MRTO4: variants seen among roughly 807,000 people sequenced by gnomAD.
The protein encoded by MRTO4 is MRT4 homolog, ribosome maturation factor, also known as mRNA turnover protein 4 homolog.
In MRTO4, 7 loss-of-function variants were observed where a neutral mutation model predicts 28.6. The observed-to-expected ratio is 0.24, with a 90% CI of 0.14 to 0.46. MRTO4 has a LOEUF of 0.46. Among genes scored for constraint, MRTO4 ranks in the 20% least tolerant of loss-of-function variants. MRTO4 has a pLI of 0.99. For missense variants in MRTO4, 302 were observed against 298.3 expected (o/e 1.01, Z -0.09); for synonymous variants, 113 against 108.2 (o/e 1.04, Z -0.27).
At chr1:19,253,241 G>A (rs1448556951) in intron 1 of MRTO4, among the ~76,000 whole-genome samples, 1 of 152,180 alleles carries the variant, frequency 6.6e-6, no homozygotes. Flanking sequence ...GAAAGGAAGC[G>A]AGCAACCTGT....
At chr1:19,252,986 C>T (rs553397084) in intron 1 of MRTO4, among the ~76,000 whole-genome samples, 17 of 152,280 alleles carry the variant, frequency 1.1e-4, no homozygotes, top group African/African-American at 3.6e-4. Flanking sequence ...GCTGTGGTGG[C>T]CTCTCTCTTA....
At chr1:19,255,568 C>A (rs2093670303) in intron 2 of MRTO4, among the ~76,000 whole-genome samples, 1 of 152,176 alleles carries the variant, frequency 6.6e-6, no homozygotes. Flanking sequence ...TGGCTTTGGC[C>A]AGCACCACGT....
chr1:19,253,200 C>T (rs371629803), intron 1 of MRTO4, among the ~76,000 whole-genome samples: 1 of 152,128 alleles, frequency 6.6e-6, no homozygotes, highest in Admixed American at 6.5e-5. Context: ...AAAGGTCTCA[C>T]TGATGAAGTG....
chr1:19,256,764 G>C (rs532213994), intron 3 of MRTO4, among the ~76,000 whole-genome samples: 3 of 152,190 alleles, frequency 2.0e-5, no homozygotes, highest in Non-Finnish European at 4.4e-5. Context: ...GTCTCTTGCC[G>C]CACCAGCTCT....
rs1025002601 is a variant in MRTO4 at position 19,257,824 on chromosome 1, T to A, written c.342-9T>A. Reference sequence around the variant, plus strand: ...AGCATCTCCTCCTACCACTTCTCTTTTCCCTTAGGTGGTTCACGAAATACA... The same window carrying A: ...AGCATCTCCTCCTACCACTTCTCTTATCCCTTAGGTGGTTCACGAAATACA... On this transcript the variant is annotated splice_polypyrimidine_tract_variant and intron_variant, in intron 5 of 7. Coordinates refer to ENST00000330263, the MANE Select transcript of MRTO4 (RefSeq NM_016183.4). 4 of 1,611,952 alleles carry A rather than the reference T, an allele frequency of 2.5e-6. No individual in the cohort carries two copies. In the African/African-American group the frequency reaches 5.3e-5, roughly 22 times the overall value.
chr1:19,255,194 T>C (rs761307), intron 2 of MRTO4, among the ~76,000 whole-genome samples: 148,127 of 152,242 alleles, frequency 0.97, 72,097 homozygotes, highest in East Asian at 1. Flanking sequence ...TTAGCCTGCC[T>C]AATGTCAAAA....
At position 19,257,154 on chromosome 1, in the gene MRTO4, C is replaced by G; in HGVS notation, c.273+9C>G. Reference sequence around the variant, plus strand: ...AAGACAACCTGCACCAGGTAAGTCTCTGGCCCTCACGGGGTGGAGCTAAGG... The same window carrying G: ...AAGACAACCTGCACCAGGTAAGTCTGTGGCCCTCACGGGGTGGAGCTAAGG... On this transcript the variant is annotated intron_variant, in intron 4 of 7. Transcript: ENST00000330263. 1.2e-6 allele frequency: 2 copies of G among 1,613,670 alleles called. No individual in the cohort carries two copies. Among genetic ancestry groups the G allele is most frequent in the Non-Finnish European group, 1.7e-6 (2 of 1,179,710 alleles).
At chr1:19,257,319 T>G (rs1381373794) in intron 4 of MRTO4, 135 bp from the exon 5 acceptor site, 1 of 1,199,630 alleles carries the variant, frequency 8.3e-7, no homozygotes, top group Non-Finnish European at 1.2e-6. Flanking sequence ...AGCAGCTTCC[T>G]GCCTCCCACT....
intron 7 of MRTO4, 39 bp downstream of exon 7, chr1:19,258,592 G>C: frequency 6.2e-7 from 1 of 1,613,872 alleles, no homozygotes; most frequent in Admixed American, 1.7e-5. Flanking sequence ...GGGCGGGGTT[G>C]CTGGCTTTCC....
In MRTO4 at chr1:19,258,704, T is replaced by C; in HGVS notation, c.594T>C (p.Ala198=). ...RVLKLFGYEM[A]EFKVTIKYMW... is the part of the protein sequence containing the mutation. ...AGAAGCTTTTTGGGTATGAGATGGC[T>C]GAATTCAAGGTGACCATCAAATACA... The change falls in exon 8 of 8, where the codon GCT becomes GCC. Residue 198 remains alanine (A), a synonymous_variant. Transcript: ENST00000330263. The C allele has an allele frequency of 6.2e-7, 1 of 1,614,252 alleles. No homozygotes were observed. The highest frequency in any genetic ancestry group is 8.5e-7 in the Non-Finnish European group (1 of 1,180,038).
At chr1:19,252,084 C>T (rs992730984) in intron 1 of MRTO4, 11 of 639,306 alleles carry the variant, frequency 1.7e-5, no homozygotes, top group African/African-American at 1.5e-4. Context: ...CTCGTTTTGC[C>T]TAGTTTCAGG....
intron 6 of MRTO4, 112 bp from the exon 7 acceptor site, chr1:19,258,365 G>A: frequency 7.8e-7 from 1 of 1,280,692 alleles, no homozygotes; most frequent in Non-Finnish European, 1.1e-6. Flanking sequence ...AGTGTGTGTT[G>A]GAGCCGTGGG....
intron 5 of MRTO4, 27 bp from the exon 6 acceptor site, chr1:19,257,803 TCTC>T: frequency 1.2e-6 from 2 of 1,608,244 alleles, no homozygotes; most frequent in African/African-American, 1.3e-5. Flanking sequence ...GCCAGGAGCA[TCTC>T]CTCCTACCAC....
At chr1:19,257,240 G>A (rs4912057) in intron 4 of MRTO4, 95 bp downstream of exon 4, 844,168 of 1,382,332 alleles carry the variant, frequency 0.61, 259,907 homozygotes, top group East Asian at 0.82. Flanking sequence ...TTGGCAGGCC[G>A]GAGGCTCAGG....
In MRTO4 at chr1:19,257,678, C is replaced by T. The variant is rs929874210; in HGVS notation, c.342-155C>T. The T allele has an allele frequency of 2.2e-6, 3 of 1,350,758 alleles. No homozygotes were observed. The African/African-American group carries it at 4.3e-5, about 19-fold the overall frequency. The allele number at this position is 1,350,758 out of a possible 1,614,324, so 83.7% of individuals were successfully genotyped here. ...GGCCTGGGACCACAGCCCTCTCTGT[C>T]CTCTCCAGCATGGTGCTCTGGGCTG... On this transcript the variant is annotated intron_variant, in intron 5 of 7. Transcript: ENST00000330263.
Position 19,258,887 on chromosome 1 carries a change from G to A in MRTO4, c.*57G>A. ...CTTCTGGGTCTCACTGGACCATCAG[G>A]ACTGCTGCCGCCCCTCTGGAGAGAG... On this transcript the variant is annotated 3_prime_UTR_variant, in exon 8 of 8. Transcript: ENST00000330263. 6.4e-7 allele frequency: 1 copy of A among 1,571,852 alleles called. No homozygotes were observed.
At chr1:19,256,109 A>C (rs948499395) in intron 3 of MRTO4, 58 bp downstream of exon 3, 10 of 1,496,238 alleles carry the variant, frequency 6.7e-6, no homozygotes, top group Non-Finnish European at 8.4e-6. Flanking sequence ...GGCTGCTCTC[A>C]GTCAAAGCAC....
intron 7 of MRTO4, 34 bp from the exon 8 acceptor site, chr1:19,258,647 C>T: frequency 6.2e-7 from 1 of 1,614,056 alleles, no homozygotes; most frequent in Non-Finnish European, 8.5e-7. Context: ...TACCTTCATT[C>T]CTCCTGATTC....
intron 1 of MRTO4, 38 bp downstream of exon 1, chr1:19,251,901 C>G: frequency 1.3e-6 from 2 of 1,577,434 alleles, no homozygotes; most frequent in Non-Finnish European, 1.7e-6. Context: ...GGGGGAGCTC[C>G]GTGGGCTGGC....
Sources: allele counts gnomAD v4.1 joint callset (sites outside exome capture counted in the v4.1 genomes callset), GRCh38; gene constraint gnomAD v4.1.1; transcripts MANE v1.5; gene names NCBI Gene and HGNC (gene_info 2026-07-23, HGNC 2026-07-21).